SGCZ: variants seen among roughly 807,000 people sequenced by gnomAD.
SGCZ encodes the protein sarcoglycan zeta.
A neutral mutation model predicts 41.3 loss-of-function variants in SGCZ; 40 were observed. The observed-to-expected ratio is 0.97, with a 90% CI of 0.75 to 1.26. The LOEUF (loss-of-function observed/expected upper bound fraction) is 1.26, where lower values mean the gene tolerates loss of function less well. Ranked by LOEUF, SGCZ falls within the 50% of genes most tolerant of loss-of-function variation. SGCZ has a pLI of 0.00. For missense variants in SGCZ, 552 were observed against 369.8 expected (o/e 1.49, Z -4.04); for synonymous variants, 206 against 137.5 (o/e 1.50, Z -3.49).
In SGCZ at chr8:14,876,643, G is replaced by T. The variant is rs547496228; in HGVS notation, c.40-321717C>A. Among the ~76,000 whole-genome samples the T allele has an allele frequency of 1.6e-4, 25 of 152,278 alleles. No homozygotes were observed. The South Asian group carries it at 4.1e-3, about 25-fold the overall frequency. On this transcript the variant is annotated intron_variant, in intron 1 of 7. Transcript: ENST00000382080. ...GTAATATTAGTGAGGGTCACTTAAA[G>T]TAACTTTTTTAAATGGTACAAGGTG...
chr8:14,849,406 T>C (rs1012003200), intron 1 of SGCZ, among the ~76,000 whole-genome samples: 3 of 152,000 alleles, frequency 2.0e-5, no homozygotes, highest in African/African-American at 7.2e-5. Flanking sequence ...TTTTTTTTTG[T>C]AATAACCTAA....
chr8:15,129,211 G>A (rs1287023378), intron 1 of SGCZ, among the ~76,000 whole-genome samples: 1 of 152,076 alleles, frequency 6.6e-6, no homozygotes, highest in Non-Finnish European at 1.5e-5. Flanking sequence ...GTATTGCCGG[G>A]AGTAGTTTTT....
At chr8:14,994,168 G>T (rs1802125825) in intron 1 of SGCZ, among the ~76,000 whole-genome samples, 1 of 152,134 alleles carries the variant, frequency 6.6e-6, no homozygotes, top group South Asian at 2.1e-4. Flanking sequence ...TACTTCCTTA[G>T]AAAAGCATTC....
Position 15,229,672 on chromosome 8 carries a change from T to C in SGCZ, c.39+7913A>G, listed in dbSNP as rs1441333978. On this transcript the variant is annotated intron_variant, in intron 1 of 7. Transcript: ENST00000382080. The stretch of plus-strand genomic sequence containing the variant: ...TTCCTTGAATTAGTTTCTCCTTCTG[T>C]TTTGGATTTTAAAAGCCCTCAAATA... Among the ~76,000 whole-genome samples, 15 of 152,324 alleles carry C rather than the reference T, an allele frequency of 9.8e-5. 1 individual carries two copies. In the South Asian group the frequency reaches 2.1e-3, roughly 21 times the overall value.
intron 1 of SGCZ, among the ~76,000 whole-genome samples, chr8:15,195,890 A>ATTTTT (rs10548247): frequency 9.6e-5 from 7 of 73,152 alleles, no homozygotes; most frequent in African/African-American, 1.6e-4. Context: ...TTAGGCTTCG[A>ATTTTT]TTTTTTTTTT....
chr8:14,674,838 A>C (rs1048193975), intron 1 of SGCZ, among the ~76,000 whole-genome samples: 3 of 147,226 alleles, frequency 2.0e-5, no homozygotes, highest in Admixed American at 2.0e-4. Flanking sequence ...TTTGCCTTCC[A>C]CCATGAATAA....
intron 1 of SGCZ, among the ~76,000 whole-genome samples, chr8:14,777,306 G>C (rs775345376): frequency 6.6e-6 from 1 of 151,984 alleles, no homozygotes; most frequent in Non-Finnish European, 1.5e-5. Context: ...TATAATTACA[G>C]ATATCATAAA....
intron 5 of SGCZ, among the ~76,000 whole-genome samples, chr8:14,125,208 G>A (rs984092020): frequency 9.2e-5 from 14 of 152,190 alleles, no homozygotes; most frequent in Non-Finnish European, 1.6e-4. Context: ...TTGGCCAGGC[G>A]TGGTGGCTCA....
intron 2 of SGCZ, among the ~76,000 whole-genome samples, chr8:14,470,716 A>G (rs2116977399): frequency 6.6e-6 from 1 of 152,282 alleles, no homozygotes; most frequent in South Asian, 2.1e-4. Context: ...ACGGAGATGA[A>G]TACATAAAGG....
chr8:14,290,773 C>T lies in SGCZ; in HGVS notation c.336+33330G>A, dbSNP rs190347450. ...AAATTAGTACAATTCTTTTGAAAAA[C>T]AGTATGGAGGTTCCCTCATAAGCTA... On this transcript the variant is annotated intron_variant, in intron 3 of 7. Coordinates refer to ENST00000382080, the MANE Select transcript of SGCZ (RefSeq NM_139167.4). Among the ~76,000 whole-genome samples, 3 of 152,190 alleles carry T rather than the reference C, an allele frequency of 2.0e-5. No homozygotes were observed. In the East Asian group the frequency reaches 5.8e-4, roughly 29 times the overall value.
At chr8:14,137,628 A>G (rs1449965612) in intron 5 of SGCZ, among the ~76,000 whole-genome samples, 1 of 152,176 alleles carries the variant, frequency 6.6e-6, no homozygotes, top group Admixed American at 6.6e-5. Flanking sequence ...AAGTTTAGAG[A>G]AAAAAAGAGT....
At chr8:14,325,056 A>G (rs1396776760) in intron 2 of SGCZ, among the ~76,000 whole-genome samples, 1 of 152,146 alleles carries the variant, frequency 6.6e-6, no homozygotes, top group Non-Finnish European at 1.5e-5. Flanking sequence ...GGAGAAAGGA[A>G]AGCCATACAT....
intron 2 of SGCZ, among the ~76,000 whole-genome samples, chr8:14,419,795 T>C (rs1024796120): frequency 5.3e-5 from 8 of 152,014 alleles, no homozygotes; most frequent in African/African-American, 1.9e-4. Context: ...ATAATTAGTA[T>C]GTGTTGTAAT....
At chr8:14,693,614 G>T (rs1386439436) in intron 1 of SGCZ, among the ~76,000 whole-genome samples, 1 of 115,812 alleles carries the variant, frequency 8.6e-6, no homozygotes, top group African/African-American at 3.1e-5. Flanking sequence ...TTTTTGAGAC[G>T]GAGTCTCGCT....
intron 2 of SGCZ, among the ~76,000 whole-genome samples, chr8:14,541,666 C>G (rs930320653): frequency 1.9e-4 from 29 of 152,072 alleles, no homozygotes; most frequent in African/African-American, 6.3e-4. Context: ...ATTGCTGGGT[C>G]AAATGGTAGT....
chr8:14,970,650 C>A (rs182573203), intron 1 of SGCZ, among the ~76,000 whole-genome samples: 53 of 152,190 alleles, frequency 3.5e-4, no homozygotes, highest in Admixed American at 2.9e-3. Flanking sequence ...TTCTTCTGTT[C>A]CATTGACAAA....
At chr8:14,654,963 C>G (rs1807515405) in intron 1 of SGCZ, among the ~76,000 whole-genome samples, 1 of 151,978 alleles carries the variant, frequency 6.6e-6, no homozygotes, top group African/African-American at 2.4e-5. Context: ...ACTGCACTGG[C>G]CCCATCATTA....
rs182215619 is a variant in SGCZ, at chr8:14,331,450, T to C, written c.235-7246A>G. 1.9e-3 allele frequency among the ~76,000 whole-genome samples: 295 copies of C among 152,224 alleles called. 1 individual carries two copies. The highest frequency in any genetic ancestry group is 6.9e-3 in the African/African-American group (286 of 41,574). ...AAAAAACAAACAAAACATAAGTTGA[T>C]GGCCTGCTTTATATGTGTGTTTTAC... On this transcript the variant is annotated intron_variant, in intron 2 of 7. Coordinates refer to ENST00000382080, the MANE Select transcript of SGCZ (RefSeq NM_139167.4).
chr8:14,320,872 A>G lies in SGCZ; in HGVS notation c.336+3231T>C, dbSNP rs111324303. Among the ~76,000 whole-genome samples, 451 of 152,220 alleles carry G rather than the reference A, an allele frequency of 3.0e-3. 1 individual carries two copies. The highest frequency in any genetic ancestry group is 9.6e-3 in the African/African-American group (400 of 41,558). ...AGGGCTGTTTAGTTCGTCTCAGATAAGAGGTTCTGAAGAACTACACGATGC... is the reference window on the plus strand; with the variant it reads ...AGGGCTGTTTAGTTCGTCTCAGATAGGAGGTTCTGAAGAACTACACGATGC... On this transcript the variant is annotated intron_variant, in intron 3 of 7. Transcript: ENST00000382080.
Sources: gnomAD v4.1 joint callset for allele counts (sites outside exome capture counted in the v4.1 genomes callset) on GRCh38, gnomAD v4.1.1 for gene constraint, MANE v1.5 for transcripts, NCBI Gene and HGNC (gene_info 2026-07-23, HGNC 2026-07-21) for gene names.